CAMTA1: variants seen among roughly 807,000 people sequenced by gnomAD.
CAMTA1 encodes the protein calmodulin-binding transcription activator 1.
A neutral mutation model predicts 170.9 loss-of-function variants in CAMTA1; 27 were observed. The ratio of observed to expected loss-of-function variants is 0.16; its 90% CI spans 0.12 to 0.22. The LOEUF (loss-of-function observed/expected upper bound fraction) is 0.22, where lower values mean the gene tolerates loss of function less well. Among genes scored for constraint, CAMTA1 ranks in the 10% least tolerant of loss-of-function variants. The probability of loss-of-function intolerance (pLI) is 1.00; values close to 1 mark genes in which losing one functional copy is unlikely to be tolerated. For synonymous variants in CAMTA1, 833 were observed against 891.5 expected, an observed-to-expected ratio of 0.93 and a Z score of 1.17; for missense variants, 1,619 against 2,217.2, an observed-to-expected ratio of 0.73 and a Z score of 5.42.
intron 3 of CAMTA1, among the ~76,000 whole-genome samples, chr1:6,889,886 C>T (rs1047237914): frequency 6.6e-6 from 1 of 152,168 alleles, no homozygotes; most frequent in Non-Finnish European, 1.5e-5. Flanking sequence ...TTTTCTGCTG[C>T]TGCATGTGTG....
intron 3 of CAMTA1, among the ~76,000 whole-genome samples, chr1:7,011,181 CA>C (rs1699726009): frequency 6.6e-6 from 1 of 152,130 alleles, no homozygotes; most frequent in Non-Finnish European, 1.5e-5. Flanking sequence ...TTCAGTGTTC[CA>C]GTTTGGATTG....
chr1:6,939,278 C>G (rs1240101673), intron 3 of CAMTA1, among the ~76,000 whole-genome samples: 1 of 152,212 alleles, frequency 6.6e-6, no homozygotes, highest in Non-Finnish European at 1.5e-5. Context: ...TGATGACTCT[C>G]CTTTTTACAT....
intron 5 of CAMTA1, among the ~76,000 whole-genome samples, chr1:7,425,029 A>G (rs2091801365): frequency 6.6e-6 from 1 of 151,928 alleles, no homozygotes; most frequent in South Asian, 2.1e-4. Flanking sequence ...GTGCCCTTAG[A>G]CCTGAGAGCA....
intron 3 of CAMTA1, among the ~76,000 whole-genome samples, chr1:7,054,641 C>CG (rs1707012029): frequency 6.6e-6 from 1 of 152,132 alleles, no homozygotes; most frequent in South Asian, 2.1e-4. Flanking sequence ...CAGAGAGCGA[C>CG]TGAGGGGAAC....
At chr1:7,720,019 T>C (rs921099782) in intron 11 of CAMTA1, among the ~76,000 whole-genome samples, 10 of 152,248 alleles carry the variant, frequency 6.6e-5, no homozygotes, top group African/African-American at 2.4e-4. Flanking sequence ...TTCATTCACT[T>C]ACCTGCCAAG....
rs766218807 is a variant in CAMTA1 at position 6,825,177 on chromosome 1, A to G, written c.201A>G (p.Leu67=). The change falls in exon 3 of 23, where the codon TTA becomes TTG. Residue 67 remains leucine (L), a synonymous_variant. Coordinates refer to ENST00000303635, the MANE Select transcript of CAMTA1 (RefSeq NM_015215.4). ...LLECLPKCSS[L]PKERHRWNTN... is the part of the protein sequence containing the mutation. ...AATGTCTGCCGAAATGTTCAAGTTT[A>G]CCAAAAGAGAGGCACCGCTGGAACA... 1.8e-5 allele frequency: 29 copies of G among 1,609,832 alleles called. No individual in the cohort carries two copies. Among genetic ancestry groups the G allele is most frequent in the Non-Finnish European group, 2.4e-5 (28 of 1,178,408 alleles).
At chr1:7,726,253 G>C (rs998144010) in intron 11 of CAMTA1, among the ~76,000 whole-genome samples, 10 of 151,920 alleles carry the variant, frequency 6.6e-5, no homozygotes, top group Non-Finnish European at 1.5e-4. Flanking sequence ...ACTCTGCCCT[G>C]CTCTTCCATG....
At chr1:6,909,655 T>G (rs1679297076) in intron 3 of CAMTA1, among the ~76,000 whole-genome samples, 1 of 152,208 alleles carries the variant, frequency 6.6e-6, no homozygotes, top group Non-Finnish European at 1.5e-5. Context: ...CCTGTGAGTT[T>G]GCAATGAGGG....
intron 6 of CAMTA1, among the ~76,000 whole-genome samples, chr1:7,498,601 G>A (rs1003613188): frequency 1.3e-5 from 2 of 151,652 alleles, no homozygotes; most frequent in African/African-American, 4.8e-5. Context: ...GTACGTGTGA[G>A]TGTGAACATC....
intron 4 of CAMTA1, among the ~76,000 whole-genome samples, chr1:7,197,352 C>A (rs1242007344): frequency 6.6e-6 from 1 of 152,062 alleles, no homozygotes; most frequent in South Asian, 2.1e-4. Flanking sequence ...CTCATTGTCC[C>A]GAATGAGCAA....
intron 4 of CAMTA1, among the ~76,000 whole-genome samples, chr1:7,116,498 G>T (rs574735357): frequency 5.8e-4 from 89 of 152,200 alleles, no homozygotes; most frequent in African/African-American, 2.0e-3. Context: ...GGACACACTG[G>T]TGAAGCAATC....
chr1:7,098,409 G>C (rs999228144), intron 4 of CAMTA1, among the ~76,000 whole-genome samples: 2 of 152,252 alleles, frequency 1.3e-5, no homozygotes, highest in African/African-American at 2.4e-5. Flanking sequence ...GTTGGCCAAA[G>C]GGCAACTGCA....
chr1:7,206,936 C>T lies in CAMTA1; in HGVS notation c.303-42555C>T, dbSNP rs146199070. The stretch of plus-strand genomic sequence containing the variant: ...CTCCATGGATTGCACACCCCACCCC[C>T]GGCCTGCTTCTTCTAAGTGCCCCTC... On this transcript the variant is annotated intron_variant, in intron 4 of 22. Transcript: ENST00000303635. Among the ~76,000 whole-genome samples, 426 of 152,288 alleles carry T rather than the reference C, an allele frequency of 2.8e-3. 1 individual carries two copies. The highest frequency in any genetic ancestry group is 9.7e-3 in the African/African-American group (402 of 41,574).
chr1:7,418,797 G>A (rs993488356), intron 5 of CAMTA1, among the ~76,000 whole-genome samples: 3 of 152,150 alleles, frequency 2.0e-5, no homozygotes, highest in African/African-American at 7.2e-5. Context: ...GAGCATCCTG[G>A]ACGCTGCTCT....
chr1:7,260,663 C>T (rs1041555768), intron 5 of CAMTA1, among the ~76,000 whole-genome samples: 1 of 152,180 alleles, frequency 6.6e-6, no homozygotes, highest in African/African-American at 2.4e-5. Flanking sequence ...GCTGAAACTG[C>T]CTGCATCTTT....
At chr1:7,632,562 C>T (rs2095678312) in intron 6 of CAMTA1, among the ~76,000 whole-genome samples, 1 of 152,250 alleles carries the variant, frequency 6.6e-6, no homozygotes, top group South Asian at 2.1e-4. Flanking sequence ...TCAAAACCAA[C>T]AGCTTTTTGC....
chr1:7,649,989 G>T lies in CAMTA1; in HGVS notation c.664+9436G>T, dbSNP rs141625189. Among the ~76,000 whole-genome samples, 366 of 152,306 alleles carry T rather than the reference G, an allele frequency of 2.4e-3. 2 individuals are homozygous for T. Among genetic ancestry groups the T allele is most frequent in the African/African-American group, 8.4e-3 (349 of 41,554 alleles). On this transcript the variant is annotated intron_variant, in intron 7 of 22. Transcript: ENST00000303635. ...GCCAGGTAGTTGGGAGCTCAGAGGC[G>T]GCTGCTCTGTGGACCGAGCCTGGCT...
intron 7 of CAMTA1, among the ~76,000 whole-genome samples, chr1:7,647,349 G>T (rs1300013203): frequency 1.3e-5 from 2 of 151,996 alleles, no homozygotes; most frequent in East Asian, 3.9e-4. Context: ...AGAATATCAA[G>T]AAGGAAAATC....
At position 7,310,696 on chromosome 1, in the gene CAMTA1, C is replaced by CTTTCTTTCTT. The variant is rs756201552; in HGVS notation, c.438+61071_438+61072insTTCTTTCTTT. 1.1e-4 allele frequency among the ~76,000 whole-genome samples: 5 copies of CTTTCTTTCTT among 43,648 alleles called. 1 individual carries two copies. Among genetic ancestry groups the CTTTCTTTCTT allele is most frequent in the African/African-American group, 5.5e-4 (4 of 7,310 alleles). 28.6% of individuals were successfully genotyped at this position (43,648 alleles called of 152,430 possible). A position where few individuals can be genotyped will look rare whatever the true frequency, so the allele number is the denominator to read the frequency against. On this transcript the variant is annotated intron_variant, in intron 5 of 22. Coordinates refer to ENST00000303635, the MANE Select transcript of CAMTA1 (RefSeq NM_015215.4). ...CCTTTCTTTCTCTCTCTCTCTCTCT[C>CTTTCTTTCTT]TCTCTCTTTCTTTCTTTCTTTCTTT... is the stretch of plus-strand genomic sequence containing the variant.
Sources: allele counts gnomAD v4.1 joint callset (sites outside exome capture counted in the v4.1 genomes callset), GRCh38; gene constraint gnomAD v4.1.1; transcripts MANE v1.5; gene names NCBI Gene and HGNC (gene_info 2026-07-23, HGNC 2026-07-21).